The following ADGRL3 variants were observed in gnomAD, a reference collection of about 807,000 sequenced individuals.
ADGRL3 encodes the protein calcium-independent alpha-latrotoxin receptor 3.
In ADGRL3, 62 loss-of-function variants were observed where a neutral mutation model predicts 153.5. The ratio of observed to expected loss-of-function variants is 0.40; its 90% confidence interval spans 0.33 to 0.50. ADGRL3 has a LOEUF of 0.50. Among genes scored for constraint, ADGRL3 ranks in the 20% least tolerant of loss-of-function variants. The pLI is 0.47. For synonymous variants in ADGRL3, 710 were observed against 672.5 expected, an observed-to-expected ratio of 1.06 and a Z score of -0.86; for missense variants, 1,641 against 1,859.4, an observed-to-expected ratio of 0.88 and a Z score of 2.16.
chr4:61,456,259 A>G (rs998244069), intron 2 of ADGRL3, among the ~76,000 whole-genome samples: 2 of 150,164 alleles, frequency 1.3e-5, no homozygotes, highest in Non-Finnish European at 3.0e-5. Flanking sequence ...TTCATAAGTA[A>G]TAGTGAACAT....
chr4:61,657,532 A>G (rs1329419009), intron 5 of ADGRL3, among the ~76,000 whole-genome samples: 3 of 152,072 alleles, frequency 2.0e-5, no homozygotes, highest in Non-Finnish European at 4.4e-5. Context: ...CTATAGATTC[A>G]GTTTTTTTAA....
intron 2 of ADGRL3, among the ~76,000 whole-genome samples, chr4:61,391,558 G>GT (rs774778553): frequency 9.5e-4 from 145 of 152,180 alleles, no homozygotes; most frequent in Non-Finnish European, 1.7e-3. Flanking sequence ...ATGTATGTGC[G>GT]TAAGTTTTCA....
rs149641594 is a variant in ADGRL3, at chr4:61,239,164, A to G, written c.-240+37399A>G. Among the ~76,000 whole-genome samples, 827 of 152,272 alleles carry G rather than the reference A, an allele frequency of 5.4e-3. 5 individuals carry two copies. Among genetic ancestry groups the G allele is most frequent in the African/African-American group, 0.019 (787 of 41,562 alleles). Reference sequence around the variant, plus strand: ...TTTTGTTTTAAATGGTTTCTATAACAAATGGTGGTGGTTAGGAGAGTCAAA... The same window carrying G: ...TTTTGTTTTAAATGGTTTCTATAACGAATGGTGGTGGTTAGGAGAGTCAAA... On this transcript the variant is annotated intron_variant, in intron 1 of 26. Transcript: ENST00000683033.
rs1371836966 is a variant in ADGRL3 at position 61,945,521 on chromosome 4, G to A, written c.2420-1393G>A. On this transcript the variant is annotated intron_variant, in intron 15 of 26. Coordinates refer to ENST00000683033, the MANE Select transcript of ADGRL3 (RefSeq NM_001387552.1). The stretch of plus-strand genomic sequence containing the variant: ...TAAGCAAGCCTGGGCAATGGCGGGC[G>A]CCCCTCCCCCAGCCTCGTTGCCACC... 1.2e-4 allele frequency among the ~76,000 whole-genome samples: 16 copies of A among 135,866 alleles called. No individual in the cohort carries two copies. In the East Asian group the frequency reaches 1.8e-3, roughly 15 times the overall value. The allele number at this position is 135,866 out of a possible 152,430, so 89.1% of individuals were successfully genotyped here.
intron 25 of ADGRL3, among the ~76,000 whole-genome samples, chr4:62,054,729 CA>C (rs1736080987): frequency 6.6e-6 from 1 of 151,380 alleles, no homozygotes; most frequent in Non-Finnish European, 1.5e-5. Flanking sequence ...ATATAAAAAA[CA>C]AAATGCTAGT....
At position 61,598,260 on chromosome 4, in the gene ADGRL3, G is replaced by A. The variant is rs531830188; in HGVS notation, c.473+10820G>A. ...ATAAATAATATTAGCAGCACAAACC[G>A]ACATGGATACTGGAGGGCAACATGA... is the stretch of plus-strand genomic sequence containing the variant. On this transcript the variant is annotated intron_variant, in intron 5 of 26. Coordinates refer to ENST00000683033, the MANE Select transcript of ADGRL3 (RefSeq NM_001387552.1). Among the ~76,000 whole-genome samples the A allele has an allele frequency of 1.4e-4, 22 of 152,168 alleles. 1 individual carries two copies. The South Asian group carries it at 2.7e-3, about 19-fold the overall frequency.
At chr4:62,007,634 C>T (rs916762331) in intron 21 of ADGRL3, among the ~76,000 whole-genome samples, 1 of 151,268 alleles carries the variant, frequency 6.6e-6, no homozygotes, top group African/African-American at 2.4e-5. Context: ...TCTTCCTTCT[C>T]TTCCTGCCTC....
intron 1 of ADGRL3, among the ~76,000 whole-genome samples, chr4:61,240,445 A>G (rs1477157444): frequency 6.6e-6 from 1 of 152,146 alleles, no homozygotes; most frequent in Non-Finnish European, 1.5e-5. Context: ...TTGTCTGCCC[A>G]TCTCTAAGGA....
At chr4:61,244,011 T>A (rs1756054836) in intron 1 of ADGRL3, among the ~76,000 whole-genome samples, 1 of 152,046 alleles carries the variant, frequency 6.6e-6, no homozygotes, top group Non-Finnish European at 1.5e-5. Flanking sequence ...GTAAATAAAG[T>A]TGTTTGATAG....
At chr4:61,557,276 A>G (rs2098771527) in intron 4 of ADGRL3, among the ~76,000 whole-genome samples, 1 of 152,194 alleles carries the variant, frequency 6.6e-6, no homozygotes, top group African/African-American at 2.4e-5. Flanking sequence ...CTTCACAGAA[A>G]TACACATTAG....
chr4:61,673,031 A>G (rs763615324), intron 5 of ADGRL3, among the ~76,000 whole-genome samples: 1 of 151,988 alleles, frequency 6.6e-6, no homozygotes, highest in Non-Finnish European at 1.5e-5. Context: ...GTCATTTGTG[A>G]TAACATGTAT....
intron 5 of ADGRL3, among the ~76,000 whole-genome samples, chr4:61,605,369 G>T (rs1430680233): frequency 6.6e-6 from 1 of 152,056 alleles, no homozygotes; most frequent in East Asian, 1.9e-4. Flanking sequence ...GCATGGAGTG[G>T]AGAAGATTGT....
intron 16 of ADGRL3, among the ~76,000 whole-genome samples, chr4:61,947,883 A>T (rs1218346628): frequency 2.0e-5 from 3 of 152,134 alleles, no homozygotes; most frequent in Non-Finnish European, 4.4e-5. Flanking sequence ...GTGTTAATTT[A>T]AAAAAATAGT....
chr4:61,591,855 T>C (rs921491973), intron 5 of ADGRL3, among the ~76,000 whole-genome samples: 12 of 151,858 alleles, frequency 7.9e-5, no homozygotes, highest in Non-Finnish European at 1.8e-4. Flanking sequence ...GGCAGGAGTA[T>C]TGCTTGATTC....
intron 8 of ADGRL3, among the ~76,000 whole-genome samples, chr4:61,748,279 C>A (rs375128096): frequency 6.6e-6 from 1 of 152,168 alleles, no homozygotes; most frequent in African/African-American, 2.4e-5. Context: ...AATGACCACA[C>A]TGCCCAAGGT....
At chr4:61,325,825 G>A (rs1687906987) in intron 1 of ADGRL3, among the ~76,000 whole-genome samples, 1 of 152,124 alleles carries the variant, frequency 6.6e-6, no homozygotes, top group Admixed American at 6.5e-5. Context: ...AACTTACTGT[G>A]GAAATAGAGA....
chr4:61,255,389 T>A (rs1000148839), intron 1 of ADGRL3, among the ~76,000 whole-genome samples: 8 of 152,178 alleles, frequency 5.3e-5, no homozygotes, highest in African/African-American at 1.9e-4. Flanking sequence ...TAAAATTTTT[T>A]TTTCTTCTCC....
At chr4:61,407,419 A>G (rs1234523362) in intron 2 of ADGRL3, among the ~76,000 whole-genome samples, 2 of 152,126 alleles carry the variant, frequency 1.3e-5, no homozygotes, top group East Asian at 3.9e-4. Context: ...GTATAATACA[A>G]TAAATAGTCC....
At chr4:61,656,439 C>A (rs575692303) in intron 5 of ADGRL3, among the ~76,000 whole-genome samples, 2 of 152,000 alleles carry the variant, frequency 1.3e-5, no homozygotes, top group Non-Finnish European at 2.9e-5. Context: ...TCAAGAAGTC[C>A]TTGAAGATTA....
Sources: gnomAD v4.1 joint callset for allele counts (sites outside exome capture counted in the v4.1 genomes callset) on GRCh38, gnomAD v4.1.1 for gene constraint, MANE v1.5 for transcripts, NCBI Gene and HGNC (gene_info 2026-07-23, HGNC 2026-07-21) for gene names.